Variants in LRRC72 observed in about 807,000 individuals in gnomAD.
LRRC72 encodes the protein leucine rich repeat containing 72.
Under a neutral mutation model 35.8 loss-of-function variants are expected in LRRC72, and 41 were observed. The ratio of observed to expected loss-of-function variants is 1.15; its 90% CI spans 0.89 to 1.49. The LOEUF (loss-of-function observed/expected upper bound fraction) is 1.49. Ranked by LOEUF, LRRC72 falls within the 40% of genes most tolerant of loss-of-function variation. LRRC72 has a pLI of 0.00. For synonymous variants in LRRC72, 118 were observed against 119.2 expected, an observed-to-expected ratio of 0.99 and a Z score of 0.07; for missense variants, 389 against 330.7, an observed-to-expected ratio of 1.18 and a Z score of -1.37.
chr7:16,558,180 A>G (rs1782683446), intron 4 of LRRC72, among the ~76,000 whole-genome samples: 1 of 152,212 alleles, frequency 6.6e-6, no homozygotes, highest in African/African-American at 2.4e-5. Flanking sequence ...GAGATGAGTA[A>G]TTTTTCCCTT....
At chr7:16,575,901 T>C (rs914795303) in intron 7 of LRRC72, among the ~76,000 whole-genome samples, 5 of 152,214 alleles carry the variant, frequency 3.3e-5, no homozygotes, top group Non-Finnish European at 7.3e-5. Flanking sequence ...GTGTGATCCC[T>C]ACCTTTAGGG....
At chr7:16,559,498 A>G (rs1157880075) in intron 5 of LRRC72, among the ~76,000 whole-genome samples, 1 of 152,204 alleles carries the variant, frequency 6.6e-6, no homozygotes, top group Non-Finnish European at 1.5e-5. Context: ...TGTTTGTGAA[A>G]TGCTATCTAT....
chr7:16,548,879 C>T (rs1341021204), intron 3 of LRRC72, among the ~76,000 whole-genome samples: 1 of 152,214 alleles, frequency 6.6e-6, no homozygotes, highest in Non-Finnish European at 1.5e-5. Flanking sequence ...TCACAAAGCA[C>T]TTATCAACTT....
intron 3 of LRRC72, among the ~76,000 whole-genome samples, chr7:16,552,686 T>C (rs1478322685): frequency 6.6e-6 from 1 of 152,174 alleles, no homozygotes; most frequent in Non-Finnish European, 1.5e-5. Flanking sequence ...AAAACTAGCT[T>C]GAGAGATGGC....
chr7:16,558,851 A>G (rs1255810344), intron 4 of LRRC72, 38 bp from the exon 5 acceptor site: 3 of 1,248,364 alleles, frequency 2.4e-6, no homozygotes, highest in Non-Finnish European at 3.2e-6. Flanking sequence ...ACTGAAAAAA[A>G]TGTTTAAAAT....
At chr7:16,536,278 A>G (rs916272374) in intron 2 of LRRC72, among the ~76,000 whole-genome samples, 5 of 152,364 alleles carry the variant, frequency 3.3e-5, no homozygotes, top group Middle Eastern at 3.4e-3. Context: ...TTAATGGGAT[A>G]CAGGATTTAA....
chr7:16,554,148 G>A (rs1782606238), intron 3 of LRRC72, among the ~76,000 whole-genome samples: 2 of 152,032 alleles, frequency 1.3e-5, no homozygotes, highest in South Asian at 2.1e-4. Context: ...GGCCAACATG[G>A]GGAAACCCCC....
In LRRC72 at chr7:16,575,836, A is replaced by G. The variant is rs518821; in HGVS notation, c.671-4238A>G. On this transcript the variant is annotated intron_variant, in intron 7 of 8. Transcript: ENST00000401542. ...AAAAACAGCGAATGCACACAATAAC[A>G]AACAATGCAAGGTCAGCCCCCACAA... 5.5e-3 allele frequency among the ~76,000 whole-genome samples: 843 copies of G among 152,348 alleles called. 4 individuals are homozygous for G. Among genetic ancestry groups the G allele is most frequent in the African/African-American group, 0.019 (786 of 41,584 alleles).
At chr7:16,555,510 C>T (rs1416167501) in intron 3 of LRRC72, among the ~76,000 whole-genome samples, 1 of 152,272 alleles carries the variant, frequency 6.6e-6, no homozygotes, top group East Asian at 1.9e-4. Context: ...TGGTGGCTCA[C>T]GCCTATAATC....
chr7:16,534,810 TG>T (rs11296561), intron 2 of LRRC72, among the ~76,000 whole-genome samples: 18,698 of 152,142 alleles, frequency 0.12, 1,225 homozygotes, highest in East Asian at 0.2. Flanking sequence ...ATAGTTAGGG[TG>T]CCCCAAGGTC....
intron 5 of LRRC72, among the ~76,000 whole-genome samples, chr7:16,563,856 T>C (rs1412222312): frequency 6.6e-6 from 1 of 152,230 alleles, no homozygotes; most frequent in Non-Finnish European, 1.5e-5. Flanking sequence ...TTTCGTGTCA[T>C]TCAGTTTTTA....
chr7:16,560,836 T>C (rs1178886794), intron 5 of LRRC72, among the ~76,000 whole-genome samples: 1 of 152,176 alleles, frequency 6.6e-6, no homozygotes, highest in East Asian at 1.9e-4. Flanking sequence ...GAAATTCTGC[T>C]AATAGACTCA....
chr7:16,574,241 C>T (rs950660746), intron 7 of LRRC72, among the ~76,000 whole-genome samples: 8 of 152,162 alleles, frequency 5.3e-5, no homozygotes, highest in African/African-American at 9.7e-5. Flanking sequence ...GACAATGTGG[C>T]GATTCCTCAA....
intron 3 of LRRC72, among the ~76,000 whole-genome samples, chr7:16,543,678 T>C (rs1306891797): frequency 1.3e-5 from 2 of 152,240 alleles, no homozygotes; most frequent in East Asian, 3.8e-4. Context: ...AACCTAATTG[T>C]AACAGACACA....
chr7:16,550,316 T>A (rs760581073), intron 3 of LRRC72, among the ~76,000 whole-genome samples: 19 of 152,192 alleles, frequency 1.2e-4, no homozygotes, highest in Non-Finnish European at 2.5e-4. Context: ...ACATAATATC[T>A]CTAAATCGAT....
At chr7:16,537,530 C>G (rs1446962707) in intron 2 of LRRC72, 97 bp from the exon 3 acceptor site, 1 of 591,192 alleles carries the variant, frequency 1.7e-6, no homozygotes, top group Non-Finnish European at 2.9e-6. Context: ...AAAGAGAGGC[C>G]TTTCTAGTTA....
intron 2 of LRRC72, among the ~76,000 whole-genome samples, chr7:16,535,762 C>T (rs186319128): frequency 5.9e-5 from 9 of 152,302 alleles, no homozygotes; most frequent in Admixed American, 2.0e-4. Context: ...GAGAAGTAGA[C>T]GTGATCTTCC....
At chr7:16,550,186 C>T (rs1481562227) in intron 3 of LRRC72, among the ~76,000 whole-genome samples, 1 of 151,952 alleles carries the variant, frequency 6.6e-6, no homozygotes, top group Non-Finnish European at 1.5e-5. Context: ...CACTGCACTC[C>T]AACCTGGGCA....
intron 1 of LRRC72, among the ~76,000 whole-genome samples, chr7:16,528,496 G>T (rs1782111033): frequency 6.6e-6 from 1 of 151,916 alleles, no homozygotes; most frequent in East Asian, 1.9e-4. Flanking sequence ...CATCACCTGT[G>T]ACTTCCCTCG....
Sources: gnomAD v4.1 joint callset for allele counts (sites outside exome capture counted in the v4.1 genomes callset) on GRCh38, gnomAD v4.1.1 for gene constraint, MANE v1.5 for transcripts, NCBI Gene and HGNC (gene_info 2026-07-23, HGNC 2026-07-21) for gene names.